Variants in COL25A1 observed in about 807,000 individuals in gnomAD.
The protein encoded by COL25A1 is collagen alpha-1(XXV) chain.
Under a neutral mutation model 128.4 loss-of-function variants are expected in COL25A1, and 103 were observed. The ratio of observed to expected loss-of-function variants is 0.80; its 90% CI spans 0.68 to 0.94. The LOEUF is 0.94. Ranked by LOEUF, COL25A1 falls within the 40% of genes least tolerant of loss-of-function variation. The pLI, the probability that COL25A1 is intolerant of heterozygous loss-of-function variation, is 0.00. For synonymous variants in COL25A1, 279 were observed against 277.2 expected (o/e 1.01, Z -0.06); for missense variants, 745 against 840.0 (o/e 0.89, Z 1.40).
intron 13 of COL25A1, among the ~76,000 whole-genome samples, chr4:108,914,010 C>T (rs142558752): frequency 2.9e-4 from 44 of 152,310 alleles, no homozygotes; most frequent in Non-Finnish European, 4.9e-4. Context: ...CCAACAAGAT[C>T]TTCAGGAGAA....
At chr4:109,301,691 A>G in intron 2 of COL25A1, 32 bp downstream of exon 2, 1 of 1,595,732 alleles carries the variant, frequency 6.3e-7, no homozygotes, top group South Asian at 1.1e-5. Flanking sequence ...ACAAGATGTT[A>G]CCCACGTGCA....
In COL25A1 at chr4:109,148,201, C is replaced by T. The variant is rs574573505; in HGVS notation, c.368-98022G>A. Among the ~76,000 whole-genome samples the T allele has an allele frequency of 1.9e-3, 286 of 152,278 alleles. 1 individual carries two copies. The highest frequency in any genetic ancestry group is 6.5e-3 in the African/African-American group (272 of 41,570). ...AATTAGATCAACAGAAATTTATAGT[C>T]ATAGCATCTAGAACTTTGGCAAATC... On this transcript the variant is annotated intron_variant, in intron 3 of 37. Coordinates refer to ENST00000399132, the MANE Select transcript of COL25A1 (RefSeq NM_198721.4).
At chr4:108,860,710 A>G (rs1192305159) in intron 23 of COL25A1, among the ~76,000 whole-genome samples, 2 of 152,176 alleles carry the variant, frequency 1.3e-5, no homozygotes, top group African/African-American at 4.8e-5. Context: ...GGCCTTCTCA[A>G]AGAAGCTTAG....
chr4:109,012,696 G>A (rs1002241310), intron 5 of COL25A1, among the ~76,000 whole-genome samples: 4 of 152,184 alleles, frequency 2.6e-5, no homozygotes, highest in Non-Finnish European at 4.4e-5. Context: ...TTCTCACCGG[G>A]CCTCAGCCGC....
intron 3 of COL25A1, among the ~76,000 whole-genome samples, chr4:109,243,108 G>GT (rs1469487197): frequency 6.6e-6 from 1 of 152,026 alleles, no homozygotes; most frequent in Non-Finnish European, 1.5e-5. Flanking sequence ...AGATTTCAGT[G>GT]TTTCTAAAAA....
chr4:109,168,943 C>T (rs889473726), intron 3 of COL25A1, among the ~76,000 whole-genome samples: 8 of 152,134 alleles, frequency 5.3e-5, no homozygotes, highest in African/African-American at 1.4e-4. Context: ...CTCTCACCCG[C>T]ACTACTGCAT....
intron 3 of COL25A1, among the ~76,000 whole-genome samples, chr4:109,109,155 C>A (rs1320044643): frequency 6.6e-6 from 1 of 152,118 alleles, no homozygotes; most frequent in Non-Finnish European, 1.5e-5. Flanking sequence ...GTGGCACAAT[C>A]TCTCCTCACC....
chr4:109,201,438 AC>A (rs1560858162), intron 3 of COL25A1, among the ~76,000 whole-genome samples: 1 of 152,172 alleles, frequency 6.6e-6, no homozygotes, highest in African/African-American at 2.4e-5. Context: ...AAAATCCAAC[AC>A]CTATTCATTA....
chr4:109,218,367 T>TGTTTG (rs1352239817), intron 3 of COL25A1, among the ~76,000 whole-genome samples: 38 of 128,344 alleles, frequency 3.0e-4, no homozygotes, highest in Admixed American at 6.9e-4. Context: ...GTTTTTTTTT[T>TGTTTG]TTTTTTTTTT....
intron 3 of COL25A1, among the ~76,000 whole-genome samples, chr4:109,065,961 G>C (rs893058001): frequency 2.0e-5 from 3 of 152,176 alleles, no homozygotes; most frequent in Admixed American, 1.3e-4. Context: ...ACATGCTATC[G>C]GTCATTTAAA....
chr4:108,898,639 A>C (rs1258492515), intron 15 of COL25A1, among the ~76,000 whole-genome samples: 1 of 152,134 alleles, frequency 6.6e-6, no homozygotes. Flanking sequence ...TAATTGCTGC[A>C]GGTAAACATC....
chr4:108,937,736 A>G, intron 11 of COL25A1, 72 bp downstream of exon 11: 1 of 1,273,768 alleles, frequency 7.9e-7, no homozygotes, highest in Non-Finnish European at 1.1e-6. Flanking sequence ...AGATACATTC[A>G]TCACACATAA....
intron 8 of COL25A1, among the ~76,000 whole-genome samples, chr4:108,970,603 A>G (rs1026315644): frequency 6.6e-6 from 1 of 152,126 alleles, no homozygotes; most frequent in African/African-American, 2.4e-5. Context: ...CAAGAATACA[A>G]TATATTGTTA....
At chr4:108,926,927 A>G (rs952424301) in intron 11 of COL25A1, among the ~76,000 whole-genome samples, 8 of 152,000 alleles carry the variant, frequency 5.3e-5, no homozygotes, top group African/African-American at 1.9e-4. Flanking sequence ...AATATAAGAG[A>G]GTGCACTGCA....
chr4:109,068,556 T>C (rs1021984025), intron 3 of COL25A1, among the ~76,000 whole-genome samples: 1 of 152,164 alleles, frequency 6.6e-6, no homozygotes, highest in African/African-American at 2.4e-5. Context: ...CTAAATCTCC[T>C]ATAATGAATC....
At chr4:109,167,163 G>A (rs1038615202) in intron 3 of COL25A1, among the ~76,000 whole-genome samples, 1 of 152,166 alleles carries the variant, frequency 6.6e-6, no homozygotes, top group Non-Finnish European at 1.5e-5. Context: ...ATAGGAATTT[G>A]TATAACATCT....
At chr4:109,205,699 G>A (rs181111146) in intron 3 of COL25A1, among the ~76,000 whole-genome samples, 65 of 152,088 alleles carry the variant, frequency 4.3e-4, no homozygotes, top group Admixed American at 6.6e-4. Flanking sequence ...TAGACTATCC[G>A]TTACCTCAGA....
intron 3 of COL25A1, among the ~76,000 whole-genome samples, chr4:109,066,857 A>G (rs1292064158): frequency 2.0e-5 from 3 of 152,066 alleles, no homozygotes; most frequent in Non-Finnish European, 4.4e-5. Flanking sequence ...TTTAGTAGAG[A>G]TGGGGTCTCA....
intron 3 of COL25A1, among the ~76,000 whole-genome samples, chr4:109,115,833 G>A (rs184412611): frequency 7.3e-4 from 111 of 152,102 alleles, no homozygotes; most frequent in African/African-American, 2.6e-3. Flanking sequence ...AGCACGAGAT[G>A]GAGAGAAGCT....
Sources: gnomAD v4.1 joint callset for allele counts (sites outside exome capture counted in the v4.1 genomes callset) on GRCh38, gnomAD v4.1.1 for gene constraint, MANE v1.5 for transcripts, NCBI Gene and HGNC (gene_info 2026-07-23, HGNC 2026-07-21) for gene names.